The following MCPH1 variants were observed in gnomAD, a reference collection of about 807,000 sequenced individuals.
MCPH1 encodes the protein microcephalin.
A neutral mutation model predicts 84.5 loss-of-function variants in MCPH1; 104 were observed. The ratio of observed to expected loss-of-function variants is 1.23; its 90% CI spans 1.05 to 1.45. The LOEUF (loss-of-function observed/expected upper bound fraction) is 1.45, where lower values mean the gene tolerates loss of function less well. Ranked by LOEUF, MCPH1 falls within the 40% of genes most tolerant of loss-of-function variation. The pLI is 0.00. For synonymous variants in MCPH1, 514 were observed against 366.8 expected, an observed-to-expected ratio of 1.40 and a Z score of -4.58; for missense variants, 1,498 against 1,005.7, an observed-to-expected ratio of 1.49 and a Z score of -6.62.
In MCPH1 at chr8:6,646,441, G is replaced by T. The variant is rs1025939820; in HGVS notation, c.*3392G>T. ...ATCAAATAACAAAATAGAGAATTCA[G>T]GTATAAATCTTCATATTTATGGCTG... On this transcript the variant is annotated 3_prime_UTR_variant, in exon 14 of 14. Transcript: ENST00000344683. 2 of 152,086 alleles carry T rather than the reference G, an allele frequency of 1.3e-5. No individual in the cohort carries two copies. Among genetic ancestry groups the T allele is most frequent in the African/African-American group, 2.4e-5 (1 of 41,404 alleles). 9.4% of individuals were successfully genotyped at this position (152,086 alleles called of 1,614,324 possible).
chr8:6,409,492 T>C (rs927113245), intron 2 of MCPH1, 122 bp downstream of exon 2: 16 of 786,638 alleles, frequency 2.0e-5, no homozygotes, highest in Non-Finnish European at 3.0e-5. Context: ...GGGTAAGCGG[T>C]GGGAGAAAAA....
At chr8:6,530,693 TGA>T (rs2129571433) in intron 12 of MCPH1, among the ~76,000 whole-genome samples, 1 of 152,320 alleles carries the variant, frequency 6.6e-6, no homozygotes, top group South Asian at 2.1e-4. Context: ...ATGTTTTTCT[TGA>T]ACTGTTGTGA....
chr8:6,637,348 G>A (rs533705064), intron 13 of MCPH1, among the ~76,000 whole-genome samples: 20 of 152,320 alleles, frequency 1.3e-4, no homozygotes, highest in Non-Finnish European at 2.6e-4. Flanking sequence ...CATTTGAGCT[G>A]AGGCCCAGAT....
chr8:6,587,203 T>G (rs1828062770), intron 12 of MCPH1, among the ~76,000 whole-genome samples: 1 of 152,108 alleles, frequency 6.6e-6, no homozygotes, highest in Non-Finnish European at 1.5e-5. Context: ...AATAATAATT[T>G]GAAAGGAAAA....
intron 12 of MCPH1, among the ~76,000 whole-genome samples, chr8:6,584,590 G>A (rs973844802): frequency 2.0e-5 from 3 of 152,110 alleles, no homozygotes; most frequent in Non-Finnish European, 4.4e-5. Flanking sequence ...ATAACCGGGG[G>A]AGGAAAAAAG....
At chr8:6,529,832 C>G (rs1178803416) in intron 12 of MCPH1, among the ~76,000 whole-genome samples, 1 of 151,194 alleles carries the variant, frequency 6.6e-6, no homozygotes, top group African/African-American at 2.4e-5. Flanking sequence ...CATCTGTTTT[C>G]TTATTTTCCT....
At chr8:6,539,765 T>A (rs1302130744) in intron 12 of MCPH1, among the ~76,000 whole-genome samples, 5 of 152,146 alleles carry the variant, frequency 3.3e-5, no homozygotes, top group Non-Finnish European at 7.4e-5. Flanking sequence ...TTTTGTATTT[T>A]TAATAGAGAT....
chr8:6,457,222 A>G (rs2129557021), intron 9 of MCPH1, among the ~76,000 whole-genome samples: 1 of 152,276 alleles, frequency 6.6e-6, no homozygotes. Flanking sequence ...TTGCCCTCAT[A>G]ATTTAGAATG....
At chr8:6,471,287 G>A (rs1011984987) in intron 9 of MCPH1, among the ~76,000 whole-genome samples, 1 of 152,288 alleles carries the variant, frequency 6.6e-6, no homozygotes, top group South Asian at 2.1e-4. Flanking sequence ...TCTCAAATAC[G>A]ACATTCCAGC....
At chr8:6,491,804 A>G (rs947669973) in intron 11 of MCPH1, among the ~76,000 whole-genome samples, 7 of 152,032 alleles carry the variant, frequency 4.6e-5, no homozygotes, top group African/African-American at 1.7e-4. Flanking sequence ...AAGGACATGA[A>G]CTCATCATAT....
intron 11 of MCPH1, 92 bp downstream of exon 11, chr8:6,480,968 G>T: frequency 1.4e-6 from 2 of 1,411,280 alleles, no homozygotes; most frequent in South Asian, 1.2e-5. Context: ...TCAGGCCGGC[G>T]TGCACCCTTG....
At position 6,598,592 on chromosome 8, in the gene MCPH1, C is replaced by T. The variant is rs1829107515; in HGVS notation, c.2215-22862C>T. 2.0e-5 allele frequency among the ~76,000 whole-genome samples: 3 copies of T among 152,212 alleles called. No individual in the cohort carries two copies. In the South Asian group the frequency reaches 6.2e-4, roughly 31 times the overall value. On this transcript the variant is annotated intron_variant, in intron 12 of 13. Coordinates refer to ENST00000344683, the MANE Select transcript of MCPH1 (RefSeq NM_024596.5). ...CAAAGCAGGCTTTCTTCCCGAACAC[C>T]CAAGGCTTTCCAAAAGGTAAACACC...
intron 6 of MCPH1, among the ~76,000 whole-genome samples, chr8:6,441,599 G>T (rs1194472817): frequency 6.6e-6 from 1 of 152,194 alleles, no homozygotes; most frequent in Non-Finnish European, 1.5e-5. Flanking sequence ...ACCCAGCACA[G>T]CTGACATTTG....
At chr8:6,539,798 G>C (rs1316273024) in intron 12 of MCPH1, among the ~76,000 whole-genome samples, 2 of 152,164 alleles carry the variant, frequency 1.3e-5, no homozygotes, top group Non-Finnish European at 2.9e-5. Flanking sequence ...TGTTGGTCAG[G>C]CTGGTCTGAA....
chr8:6,615,730 G>C (rs1324632391), intron 12 of MCPH1: 1 of 152,192 alleles, frequency 6.6e-6, no homozygotes, highest in African/African-American at 2.4e-5. Context: ...AAGATTGTAG[G>C]GAACTGGGGA....
intron 12 of MCPH1, chr8:6,502,458 G>A (rs1161717388): frequency 6.6e-6 from 1 of 152,150 alleles, no homozygotes; most frequent in African/African-American, 2.4e-5. Context: ...ACGTATTTGA[G>A]CATTAACTTA....
intron 3 of MCPH1, among the ~76,000 whole-genome samples, chr8:6,421,206 G>C (rs995769579): frequency 1.3e-5 from 2 of 151,902 alleles, no homozygotes; most frequent in Non-Finnish European, 2.9e-5. Flanking sequence ...TCTCCCTGGC[G>C]TCTGCATTCA....
chr8:6,445,828 A>G (rs1238452905), intron 8 of MCPH1: 65 of 1,158,144 alleles, frequency 5.6e-5, no homozygotes, highest in Non-Finnish European at 5.9e-5. Flanking sequence ...CATAGTATGA[A>G]TAACTGAGGG....
chr8:6,540,181 A>T (rs1426827929), intron 12 of MCPH1, among the ~76,000 whole-genome samples: 1 of 151,938 alleles, frequency 6.6e-6, no homozygotes. Context: ...CTTTGCATTA[A>T]TTTTTTTCAC....
Sources: allele counts gnomAD v4.1 joint callset (sites outside exome capture counted in the v4.1 genomes callset), GRCh38; gene constraint gnomAD v4.1.1; transcripts MANE v1.5; gene names NCBI Gene and HGNC (gene_info 2026-07-23, HGNC 2026-07-21).